KPNA4: variants seen among roughly 807,000 people sequenced by gnomAD.
The protein encoded by KPNA4 is importin subunit alpha-3.
In KPNA4, 13 loss-of-function variants were observed where a neutral mutation model predicts 71.3. The observed-to-expected ratio is 0.18, with a 90% CI of 0.12 to 0.29. The LOEUF is 0.29. KPNA4 is among the 10% of genes least tolerant of loss of function. KPNA4 has a pLI of 1.00. For synonymous variants in KPNA4, 189 were observed against 195.2 expected (o/e 0.97, Z 0.26); for missense variants, 334 against 603.2 (o/e 0.55, Z 4.67).
chr3:160,553,611 G>A lies in KPNA4; in HGVS notation c.69+11603C>T, dbSNP rs187748321. On this transcript the variant is annotated intron_variant, in intron 1 of 16. Coordinates refer to ENST00000334256, the MANE Select transcript of KPNA4 (RefSeq NM_002268.5). ...CCCTACTTGACCTAGTCTGAATAAG[G>A]ATATGTTCCTTGCATTCTTAAAAGC... Among the ~76,000 whole-genome samples the A allele has an allele frequency of 2.0e-3, 308 of 152,188 alleles. 2 individuals are homozygous for A. Among genetic ancestry groups the A allele is most frequent in the Non-Finnish European group, 3.9e-3 (263 of 68,000 alleles).
chr3:160,541,040 A>G (rs1297905578), intron 1 of KPNA4, among the ~76,000 whole-genome samples: 1 of 152,234 alleles, frequency 6.6e-6, no homozygotes, highest in East Asian at 1.9e-4. Context: ...AACATTTACT[A>G]TGCATCCATC....
At chr3:160,536,731 T>C (rs1022443591) in intron 2 of KPNA4, 65 bp downstream of exon 2, 8 of 841,484 alleles carry the variant, frequency 9.5e-6, no homozygotes, top group Non-Finnish European at 1.5e-5. Context: ...ATTTGGCATC[T>C]TGTATATAAT....
chr3:160,514,127 C>T lies in KPNA4; in HGVS notation c.1087G>A (p.Ala363Thr), dbSNP rs1231675291. The T allele has an allele frequency of 2.5e-6, 4 of 1,600,378 alleles. No homozygotes were observed. The highest frequency in any genetic ancestry group is 3.4e-6 in the Non-Finnish European group (4 of 1,175,730). Residue 363 changes from alanine (A) to threonine (T), a missense_variant, in exon 13 of 17, where the codon GCA becomes ACA. Ala to Thr is a moderately conservative substitution (Grantham distance 58). Transcript: ENST00000334256. ...GGTACAAGATTGGCATCAATTACTGCCTGTACCTGCTGCTGATTTCCTGCA... is the reference window on the plus strand; with the variant it reads ...GGTACAAGATTGGCATCAATTACTGTCTGTACCTGCTGCTGATTTCCTGCA... ...ITAGNQQQVQ[A>T]VIDANLVPMI... is the part of the protein sequence containing the mutation.
chr3:160,538,498 C>T (rs1219928768), intron 1 of KPNA4, among the ~76,000 whole-genome samples: 1 of 152,076 alleles, frequency 6.6e-6, no homozygotes, highest in Non-Finnish European at 1.5e-5. Flanking sequence ...TTCCAGGGGC[C>T]CTCCTGAATT....
At position 160,553,284 on chromosome 3, in the gene KPNA4, G is replaced by A. The variant is rs534684850; in HGVS notation, c.69+11930C>T. The stretch of plus-strand genomic sequence containing the variant: ...ATACTCCTCACACCACAGAAGACTG[G>A]TAGTGGGAGTTGGGAAGAAAGCACC... On this transcript the variant is annotated intron_variant, in intron 1 of 16. Transcript: ENST00000334256. Among the ~76,000 whole-genome samples the A allele has an allele frequency of 2.0e-5, 3 of 152,288 alleles. No individual in the cohort carries two copies. The East Asian group carries it at 5.8e-4, about 29-fold the overall frequency.
chr3:160,528,103 A>T, intron 7 of KPNA4, 64 bp from the exon 8 acceptor site: 1 of 1,286,988 alleles, frequency 7.8e-7, no homozygotes, highest in Non-Finnish European at 1.1e-6. Context: ...ATCAATCTTT[A>T]TTTTTTTGCT....
At chr3:160,536,883 A>G (rs1223928758) in intron 1 of KPNA4, 43 bp from the exon 2 acceptor site, 1 of 1,179,570 alleles carries the variant, frequency 8.5e-7, no homozygotes, top group East Asian at 2.4e-5. Context: ...ATCACCTCAA[A>G]TTCCATTATC....
At chr3:160,511,891 G>A (rs908353712) in intron 13 of KPNA4, among the ~76,000 whole-genome samples, 6 of 151,830 alleles carry the variant, frequency 4.0e-5, no homozygotes, top group African/African-American at 1.4e-4. Flanking sequence ...TTATGCTAAT[G>A]TTTTTAGGAA....
chr3:160,527,924 T>C (rs1171953529), intron 8 of KPNA4, 29 bp downstream of exon 8: 1 of 1,526,082 alleles, frequency 6.6e-7, no homozygotes, highest in Admixed American at 1.7e-5. Context: ...TAACAATTTT[T>C]AGACTAGTAT....
intron 1 of KPNA4, among the ~76,000 whole-genome samples, chr3:160,564,816 G>A (rs1439558951): frequency 6.6e-6 from 1 of 151,668 alleles, no homozygotes; most frequent in Admixed American, 6.6e-5. Context: ...CCAGACGTCG[G>A]TGCCCGAGCG....
At chr3:160,557,846 T>C (rs1722171699) in intron 1 of KPNA4, among the ~76,000 whole-genome samples, 1 of 151,834 alleles carries the variant, frequency 6.6e-6, no homozygotes, top group Non-Finnish European at 1.5e-5. Context: ...AGCTAAATTT[T>C]TTATTTTTAT....
intron 14 of KPNA4, 45 bp downstream of exon 14, chr3:160,509,755 T>G: frequency 8.2e-7 from 1 of 1,219,942 alleles, no homozygotes; most frequent in South Asian, 1.2e-5. Context: ...CCTGTACTTT[T>G]ATTTTACCAG....
rs1720827895 is a variant in KPNA4, at chr3:160,499,172, C to T, written c.*2932G>A. On this transcript the variant is annotated 3_prime_UTR_variant, in exon 17 of 17. Coordinates refer to ENST00000334256, the MANE Select transcript of KPNA4 (RefSeq NM_002268.5). Reference sequence around the variant, plus strand: ...GATAGCTCTAATTATAGAAATGCTCCAGGTTTGGTCCAGAGCAATGTGGAC... The same window carrying T: ...GATAGCTCTAATTATAGAAATGCTCTAGGTTTGGTCCAGAGCAATGTGGAC... 6.6e-6 allele frequency: 1 copy of T among 152,094 alleles called. No homozygotes were observed. The highest frequency in any genetic ancestry group is 1.5e-5 in the Non-Finnish European group (1 of 68,014). The allele number at this position is 152,094 out of a possible 1,614,324, so 9.4% of individuals were successfully genotyped here.
chr3:160,511,853 C>T (rs1721101586), intron 13 of KPNA4, among the ~76,000 whole-genome samples: 1 of 151,526 alleles, frequency 6.6e-6, no homozygotes, highest in African/African-American at 2.4e-5. Context: ...CAGATCTATA[C>T]ATACCAAAAT....
At chr3:160,552,798 A>G (rs1420936862) in intron 1 of KPNA4, among the ~76,000 whole-genome samples, 1 of 152,150 alleles carries the variant, frequency 6.6e-6, no homozygotes, top group East Asian at 1.9e-4. Context: ...GAACACCACT[A>G]ATGTGTTAGT....
rs1720875278 is a variant in KPNA4, at chr3:160,501,300, C to CA, written c.*803dup. 1.2e-5 allele frequency: 1 copy of CA among 82,554 alleles called. No homozygotes were observed. The highest frequency in any genetic ancestry group is 3.3e-4 in the East Asian group (1 of 3,072). The allele number at this position is 82,554 out of a possible 1,614,324, so 5.1% of individuals were successfully genotyped here. ...AAACTAAAAAAAAAGAAAAGAAAAG[C>CA]AAAAAAGAAAAAAAAAAGGATTGGG... On this transcript the variant is annotated 3_prime_UTR_variant, in exon 17 of 17. Coordinates refer to ENST00000334256, the MANE Select transcript of KPNA4 (RefSeq NM_002268.5).
intron 1 of KPNA4, among the ~76,000 whole-genome samples, chr3:160,564,974 G>A (rs947309054): frequency 4.1e-5 from 6 of 147,558 alleles, no homozygotes; most frequent in African/African-American, 9.8e-5. Flanking sequence ...GGCCGGCTCC[G>A]CCGGGCAGGC....
At chr3:160,556,632 A>G (rs1013753945) in intron 1 of KPNA4, among the ~76,000 whole-genome samples, 7 of 152,150 alleles carry the variant, frequency 4.6e-5, no homozygotes, top group African/African-American at 1.7e-4. Flanking sequence ...CCTAATCCAA[A>G]ATCTGGTATG....
intron 11 of KPNA4, among the ~76,000 whole-genome samples, chr3:160,517,842 T>G (rs1003086584): frequency 2.2e-4 from 33 of 152,346 alleles, no homozygotes; most frequent in African/African-American, 7.9e-4. Context: ...TCTTTATACA[T>G]TAAATATTTT....
Sources: allele counts gnomAD v4.1 joint callset (sites outside exome capture counted in the v4.1 genomes callset), GRCh38; gene constraint gnomAD v4.1.1; transcripts MANE v1.5; gene names NCBI Gene and HGNC (gene_info 2026-07-23, HGNC 2026-07-21).